Variants in PKIA observed in about 807,000 individuals in gnomAD.
The protein encoded by PKIA is cAMP-dependent protein kinase inhibitor alpha, also known as PKI-alpha.
Under a neutral mutation model 7.6 loss-of-function variants are expected in PKIA, and 4 were observed. That is an observed-to-expected ratio of 0.52 (90% CI 0.26 to 1.20). The LOEUF (loss-of-function observed/expected upper bound fraction) is 1.20. Among genes scored for constraint, PKIA ranks in the 50% most tolerant of loss-of-function variants. The probability of loss-of-function intolerance (pLI) is 0.13; values close to 1 mark genes in which losing one functional copy is unlikely to be tolerated. For missense variants in PKIA, 73 were observed against 86.2 expected (o/e 0.85, Z 0.61); for synonymous variants, 21 against 30.7 (o/e 0.68, Z 1.04).
intron 1 of PKIA, among the ~76,000 whole-genome samples, chr8:78,560,368 A>G (rs1807257311): frequency 1.3e-5 from 2 of 152,222 alleles, no homozygotes; most frequent in Non-Finnish European, 2.9e-5. Context: ...AAATGACAGT[A>G]ACATTTTGTA....
chr8:78,526,783 AAT>A (rs1035767787), intron 1 of PKIA, among the ~76,000 whole-genome samples: 3 of 152,116 alleles, frequency 2.0e-5, no homozygotes, highest in African/African-American at 4.8e-5. Flanking sequence ...AAAAAAAAAA[AAT>A]AGAGCCTCAC....
intron 1 of PKIA, among the ~76,000 whole-genome samples, chr8:78,530,520 A>T (rs1226973579): frequency 6.6e-6 from 1 of 151,938 alleles, no homozygotes; most frequent in Non-Finnish European, 1.5e-5. Context: ...GATTTAATTA[A>T]ACTTTTTTTT....
At chr8:78,563,768 G>A (rs1325232360) in intron 1 of PKIA, among the ~76,000 whole-genome samples, 1 of 152,096 alleles carries the variant, frequency 6.6e-6, no homozygotes, top group African/African-American at 2.4e-5. Context: ...GAGAAGGACA[G>A]ATGTGAATGA....
chr8:78,525,620 G>C (rs907931292), intron 1 of PKIA, among the ~76,000 whole-genome samples: 2 of 151,988 alleles, frequency 1.3e-5, no homozygotes, highest in African/African-American at 4.8e-5. Context: ...GCATTACGGT[G>C]TTATGAAAGC....
intron 1 of PKIA, among the ~76,000 whole-genome samples, chr8:78,549,769 C>T (rs188966481): frequency 2.2e-4 from 33 of 149,818 alleles, no homozygotes; most frequent in Non-Finnish European, 3.7e-4. Context: ...TTAGGAAAAG[C>T]GATTACTTGA....
chr8:78,599,263 T>C (rs1249263769), intron 3 of PKIA, among the ~76,000 whole-genome samples: 1 of 152,062 alleles, frequency 6.6e-6, no homozygotes, highest in Non-Finnish European at 1.5e-5. Flanking sequence ...GCTGAATGTG[T>C]TTCCCTGAGA....
rs1005220577 is a variant in PKIA, at chr8:78,603,646, A to G, written c.*1825A>G. Reference sequence around the variant, plus strand: ...TATTAATAGACTTACAAGTGAGAAAAGAGGTTCCTAGGGTTATTTTAGGCA... The same window carrying G: ...TATTAATAGACTTACAAGTGAGAAAGGAGGTTCCTAGGGTTATTTTAGGCA... On this transcript the variant is annotated 3_prime_UTR_variant, in exon 4 of 4. Transcript: ENST00000396418. 3.3e-5 allele frequency: 5 copies of G among 151,994 alleles called. No individual in the cohort carries two copies. Among genetic ancestry groups the G allele is most frequent in the African/African-American group, 9.7e-5 (4 of 41,402 alleles). The allele number at this position is 151,994 out of a possible 1,614,324, so 9.4% of individuals were successfully genotyped here. A position where few individuals can be genotyped will look rare whatever the true frequency, so the allele number is the denominator to read the frequency against.
intron 1 of PKIA, among the ~76,000 whole-genome samples, chr8:78,531,134 T>C (rs192155298): frequency 1.4e-4 from 21 of 152,258 alleles, no homozygotes; most frequent in African/African-American, 4.8e-4. Context: ...CTTGAGGTTC[T>C]TTCTGTATGA....
chr8:78,580,984 A>G (rs1316176189), intron 2 of PKIA, among the ~76,000 whole-genome samples: 5 of 152,222 alleles, frequency 3.3e-5, no homozygotes, highest in African/African-American at 1.2e-4. Flanking sequence ...CTACATACAC[A>G]TAAATCCCGT....
chr8:78,561,661 G>A (rs1375890239), intron 1 of PKIA, among the ~76,000 whole-genome samples: 3 of 152,054 alleles, frequency 2.0e-5, no homozygotes, highest in African/African-American at 7.2e-5. Flanking sequence ...ACAGTGGTTG[G>A]TACTGATGTC....
chr8:78,549,301 T>C (rs1806917519), intron 1 of PKIA, among the ~76,000 whole-genome samples: 1 of 151,930 alleles, frequency 6.6e-6, no homozygotes, highest in Non-Finnish European at 1.5e-5. Flanking sequence ...CTAAAACTTT[T>C]TTTGGAAGAG....
intron 1 of PKIA, among the ~76,000 whole-genome samples, chr8:78,530,719 T>G (rs1806368278): frequency 6.6e-6 from 1 of 152,048 alleles, no homozygotes; most frequent in Admixed American, 6.6e-5. Flanking sequence ...ACACACACAT[T>G]TACTAGTTCT....
intron 1 of PKIA, chr8:78,534,855 G>C (rs965498006): frequency 6.6e-6 from 1 of 152,090 alleles, no homozygotes; most frequent in African/African-American, 2.4e-5. Context: ...ATCTATTCTT[G>C]AGACGTAATA....
intron 2 of PKIA, among the ~76,000 whole-genome samples, chr8:78,583,320 A>G (rs935352096): frequency 2.0e-5 from 3 of 152,140 alleles, no homozygotes; most frequent in Non-Finnish European, 2.9e-5. Flanking sequence ...CCAACATCAG[A>G]TGGCAAGCAA....
At chr8:78,532,906 G>T (rs1472642890) in intron 1 of PKIA, among the ~76,000 whole-genome samples, 1 of 151,988 alleles carries the variant, frequency 6.6e-6, no homozygotes, top group Admixed American at 6.6e-5. Flanking sequence ...GCAACAGAGC[G>T]ACTCTGTCTC....
intron 1 of PKIA, among the ~76,000 whole-genome samples, chr8:78,544,579 A>G (rs556249683): frequency 6.6e-6 from 1 of 152,232 alleles, no homozygotes; most frequent in African/African-American, 2.4e-5. Context: ...TGACATTGAA[A>G]TATAGGTATT....
At chr8:78,549,587 C>T (rs185122143) in intron 1 of PKIA, among the ~76,000 whole-genome samples, 42 of 151,814 alleles carry the variant, frequency 2.8e-4, no homozygotes, top group Admixed American at 1.4e-3. Context: ...TCAAGACTGC[C>T]CATGAAGCCA....
intron 1 of PKIA, among the ~76,000 whole-genome samples, chr8:78,536,859 T>TACACACACACACAC (rs58547049): frequency 4.4e-5 from 6 of 136,042 alleles, no homozygotes; most frequent in Non-Finnish European, 4.8e-5. Flanking sequence ...CTAGAAAACA[T>TACACACACACACAC]ACACACACAC....
At chr8:78,540,581 C>T (rs1339717078) in intron 1 of PKIA, among the ~76,000 whole-genome samples, 4 of 152,012 alleles carry the variant, frequency 2.6e-5, no homozygotes, top group African/African-American at 7.2e-5. Context: ...ATAAAGCAGT[C>T]AGAAGTCACC....
Sources: allele counts gnomAD v4.1 joint callset (sites outside exome capture counted in the v4.1 genomes callset), GRCh38; gene constraint gnomAD v4.1.1; transcripts MANE v1.5; gene names NCBI Gene and HGNC (gene_info 2026-07-23, HGNC 2026-07-21).